RMND1: variants seen among roughly 807,000 people sequenced by gnomAD.
The protein encoded by RMND1 is required for meiotic nuclear division 1 homolog.
RMND1 carries 41 observed loss-of-function variants against 54.0 expected under a neutral mutation model. The ratio of observed to expected loss-of-function variants is 0.76; its 90% CI spans 0.59 to 0.98. The LOEUF is 0.98. RMND1 is among the 50% of genes least tolerant of loss of function. The probability of loss-of-function intolerance (pLI) is 0.00; values close to 1 mark genes in which losing one functional copy is unlikely to be tolerated. For missense variants in RMND1, 457 were observed against 532.0 expected (o/e 0.86, Z 1.39); for synonymous variants, 183 against 181.7 (o/e 1.01, Z -0.06).
rs2114945542 is a variant in RMND1 at position 151,427,539 on chromosome 6, G to A, written c.773C>T (p.Pro258Leu). 6.2e-7 allele frequency: 1 copy of A among 1,612,410 alleles called. No individual in the cohort carries two copies. The highest frequency in any genetic ancestry group is 8.5e-7 in the Non-Finnish European group (1 of 1,178,866). The change falls in exon 6 of 12, where the codon CCC becomes CTC. Residue 258 changes from proline (P) to leucine (L), a missense_variant. Transcript: ENST00000444024. ...CCAGTGTACCAGTGCGATTTCATAG[G>A]GCTGAATTTCATGTTTTTCTAGAAC... The part of the protein sequence containing the change: ...MKVLEKHEIQ[P>L]YEIALVHWEN...
intron 1 of RMND1, 125 bp from the exon 2 acceptor site, chr6:151,445,950 T>G (rs1446231522): frequency 5.8e-6 from 5 of 859,206 alleles, no homozygotes; most frequent in Non-Finnish European, 8.6e-6. Flanking sequence ...TCTAAGTTAA[T>G]TCTAGTAAAA....
intron 10 of RMND1, chr6:151,417,022 C>G (rs1376590418): frequency 3.3e-6 from 1 of 305,128 alleles, no homozygotes; most frequent in African/African-American, 2.2e-5. Context: ...TTGCTTGAAA[C>G]TTGACAAGAA....
Position 151,435,114 on chromosome 6 carries a change from G to C in RMND1, c.613+1332C>G, listed in dbSNP as rs377196246. ...TCTGCCTGTCTCAGTCTCCCAGAGT[G>C]CAGGATTACAGGTATGAGGCATCAC... On this transcript the variant is annotated intron_variant, in intron 3 of 11. Coordinates refer to ENST00000444024, the MANE Select transcript of RMND1 (RefSeq NM_017909.4). 7.3e-4 allele frequency among the ~76,000 whole-genome samples: 110 copies of C among 151,716 alleles called. 1 individual carries two copies. Among genetic ancestry groups the C allele is most frequent in the African/African-American group, 2.6e-3 (106 of 41,354 alleles).
intron 10 of RMND1, among the ~76,000 whole-genome samples, chr6:151,406,359 T>TTTGTTGTTG (rs906955676): frequency 5.2e-5 from 6 of 114,394 alleles, no homozygotes; most frequent in African/African-American, 2.3e-4. Context: ...AACTTTTTTT[T>TTTGTTGTTG]TTGTTGTTGT....
intron 1 of RMND1, among the ~76,000 whole-genome samples, chr6:151,450,331 G>C (rs911735430): frequency 4.0e-5 from 6 of 148,624 alleles, no homozygotes; most frequent in South Asian, 2.2e-4. Flanking sequence ...CCCTCCGCCC[G>C]GCAGCCACCC....
intron 10 of RMND1, 106 bp from the exon 11 acceptor site, chr6:151,405,942 C>T (rs1562779892): frequency 1.8e-6 from 1 of 541,710 alleles, no homozygotes; most frequent in South Asian, 2.8e-5. Context: ...TCAGTCCTCT[C>T]CCCAAAGGCA....
chr6:151,409,452 G>C (rs745832914), intron 10 of RMND1, among the ~76,000 whole-genome samples: 1 of 152,154 alleles, frequency 6.6e-6, no homozygotes, highest in African/African-American at 2.4e-5. Flanking sequence ...CTGAAATAGA[G>C]AACTGAAAAG....
At chr6:151,431,935 T>C (rs892887745) in intron 4 of RMND1, among the ~76,000 whole-genome samples, 10 of 151,906 alleles carry the variant, frequency 6.6e-5, no homozygotes, top group African/African-American at 2.2e-4. Context: ...ATTTCTTTCT[T>C]TCTTTTTTTT....
chr6:151,430,177 C>T lies in RMND1; in HGVS notation c.690G>A (p.Arg230=). Reference sequence around the variant, plus strand: ...CATTCCAAAACACAGCAGCTCCTTCCCTGATTTAAAAAAATAAAAGAAACA... The same window carrying T: ...CATTCCAAAACACAGCAGCTCCTTCTCTGATTTAAAAAAATAAAAGAAACA... ...EGDPGTIFFF[R]EGAAVFWNVK... is the part of the protein sequence containing the mutation. The change falls in exon 5 of 12, where the codon AGG becomes AGA. Residue 230 remains arginine, a splice_region_variant and synonymous_variant. Transcript: ENST00000444024. The T allele has an allele frequency of 6.3e-7, 1 of 1,595,050 alleles. No individual in the cohort carries two copies. Among genetic ancestry groups the T allele is most frequent in the East Asian group, 2.2e-5 (1 of 44,648 alleles).
intron 2 of RMND1, among the ~76,000 whole-genome samples, chr6:151,437,943 A>G (rs1237994589): frequency 6.6e-6 from 1 of 152,218 alleles, no homozygotes; most frequent in African/African-American, 2.4e-5. Context: ...ATTAGAAAAA[A>G]AGTCAGACAA....
At position 151,405,848 on chromosome 6, in the gene RMND1, A is replaced by G. The variant is rs1471430820; in HGVS notation, c.1201-12T>C. ...TTTTCATTCATGACCTATGTAAGAA[A>G]AATTTCAGTAACATGTATTTAAACA... On this transcript the variant is annotated splice_polypyrimidine_tract_variant and intron_variant, in intron 10 of 11. Transcript: ENST00000444024. 1 of 1,362,722 alleles carries G rather than the reference A, an allele frequency of 7.3e-7. No homozygotes were observed. The highest frequency in any genetic ancestry group is 1.2e-5 in the South Asian group (1 of 85,422). 84.4% of individuals were successfully genotyped at this position (1,362,722 alleles called of 1,614,324 possible).
intron 11 of RMND1, 55 bp from the exon 12 acceptor site, chr6:151,405,322 A>G (rs1346875098): frequency 2.0e-6 from 3 of 1,465,824 alleles, no homozygotes; most frequent in Non-Finnish European, 2.9e-6. Context: ...GGTACAAACT[A>G]AAATGACTTC....
intron 6 of RMND1, among the ~76,000 whole-genome samples, chr6:151,426,259 CT>C (rs1279874998): frequency 6.6e-6 from 1 of 152,114 alleles, no homozygotes; most frequent in Non-Finnish European, 1.5e-5. Context: ...CACTACCTTT[CT>C]TAAGAACCTG....
In RMND1 at chr6:151,436,524, C is replaced by A; in HGVS notation, c.535G>T (p.Ala179Ser). Residue 179 changes from alanine to serine, a missense_variant, in exon 3 of 12, where the codon GCA becomes TCA. Physicochemically the swap from Ala to Ser is moderately conservative, Grantham distance 99. Transcript: ENST00000444024. ...AGATTTCCCAGATGATACTCATCTG[C>A]CGTTGCAAATGCTGTGCAGTGCATT... ...DLMHCTAFAT[A>S]DEYHLGNLSQ... is the part of the protein sequence containing the mutation. 1 of 1,613,764 alleles carries A rather than the reference C, an allele frequency of 6.2e-7. No homozygotes were observed. Among genetic ancestry groups the A allele is most frequent in the Non-Finnish European group, 8.5e-7 (1 of 1,179,688 alleles).
intron 4 of RMND1, among the ~76,000 whole-genome samples, chr6:151,431,628 A>G (rs1431850231): frequency 6.6e-6 from 1 of 152,038 alleles, no homozygotes; most frequent in Non-Finnish European, 1.5e-5. Context: ...CAGAGGCCAC[A>G]TGTGGCTATT....
intron 10 of RMND1, among the ~76,000 whole-genome samples, chr6:151,412,800 C>T (rs148976580): frequency 2.0e-5 from 3 of 152,276 alleles, no homozygotes; most frequent in Admixed American, 2.0e-4. Context: ...AGGGGAGATG[C>T]AGGTGCTACA....
chr6:151,417,027 C>G, intron 10 of RMND1: 1 of 316,250 alleles, frequency 3.2e-6, no homozygotes, highest in South Asian at 6.4e-5. Flanking sequence ...TGAAACTTGA[C>G]AAGAACTTAC....
chr6:151,438,799 T>A (rs2114962057), intron 2 of RMND1, among the ~76,000 whole-genome samples: 1 of 149,490 alleles, frequency 6.7e-6, no homozygotes, highest in East Asian at 1.9e-4. Flanking sequence ...GTACTACTTT[T>A]TTTTTTTTTT....
At chr6:151,424,828 C>T (rs1247972303) in intron 6 of RMND1, among the ~76,000 whole-genome samples, 2 of 151,896 alleles carry the variant, frequency 1.3e-5, no homozygotes, top group Non-Finnish European at 1.5e-5. Context: ...TAAACCTTCA[C>T]AAAAGATGTC....
Sources: allele counts gnomAD v4.1 joint callset (sites outside exome capture counted in the v4.1 genomes callset), GRCh38; gene constraint gnomAD v4.1.1; transcripts MANE v1.5; gene names NCBI Gene and HGNC (gene_info 2026-07-23, HGNC 2026-07-21).